GSG1L: variants seen among roughly 807,000 people sequenced by gnomAD.
GSG1L encodes germ cell-specific gene 1-like protein.
Under a neutral mutation model 42.1 loss-of-function variants are expected in GSG1L, and 24 were observed. The observed-to-expected ratio is 0.57, with a 90% CI of 0.41 to 0.80. The LOEUF is 0.80. Among genes scored for constraint, GSG1L ranks in the 30% least tolerant of loss-of-function variants. GSG1L has a pLI of 0.00. For synonymous variants in GSG1L, 215 were observed against 203.5 expected (o/e 1.06, Z -0.48); for missense variants, 445 against 472.2 (o/e 0.94, Z 0.53).
intron 1 of GSG1L, among the ~76,000 whole-genome samples, chr16:28,022,608 A>C (rs1478274762): frequency 6.6e-6 from 1 of 151,314 alleles, no homozygotes; most frequent in African/African-American, 2.4e-5. Flanking sequence ...CCAAGCTGGG[A>C]ATACAGGCGT....
chr16:27,950,282 C>T (rs2084936847), intron 2 of GSG1L, among the ~76,000 whole-genome samples: 1 of 152,164 alleles, frequency 6.6e-6, no homozygotes. Context: ...AACATGAAGG[C>T]TGGTCACCGT....
chr16:27,916,805 A>C (rs2084461753), intron 2 of GSG1L, among the ~76,000 whole-genome samples: 1 of 152,194 alleles, frequency 6.6e-6, no homozygotes, highest in Admixed American at 6.5e-5. Flanking sequence ...TGCTTAGGAC[A>C]CGATGTGATA....
At chr16:27,896,333 G>A (rs1223527110) in intron 2 of GSG1L, among the ~76,000 whole-genome samples, 1 of 152,152 alleles carries the variant, frequency 6.6e-6, no homozygotes, top group Non-Finnish European at 1.5e-5. Flanking sequence ...GGCTCTCAAA[G>A]GTGTCCCCTT....
In GSG1L at chr16:27,807,717, G is replaced by C. The variant is rs141580635; in HGVS notation, c.831-163C>G. 3.3e-5 allele frequency among the ~76,000 whole-genome samples: 5 copies of C among 152,288 alleles called. No individual in the cohort carries two copies. In the East Asian group the frequency reaches 9.6e-4, roughly 29 times the overall value. On this transcript the variant is annotated intron_variant, in intron 5 of 6. Transcript: ENST00000447459. ...TGGGGGATTTTGACCACAACCTTGT[G>C]AGATGGGCATCATTATTCCCATTCT... is the stretch of plus-strand genomic sequence containing the variant.
chr16:28,057,171 T>C (rs535830941), intron 1 of GSG1L, among the ~76,000 whole-genome samples: 7 of 151,716 alleles, frequency 4.6e-5, no homozygotes, highest in Non-Finnish European at 1.0e-4. Flanking sequence ...TGTGACTGAG[T>C]GAGGAAGGGT....
chr16:27,814,680 G>A (rs74013532), intron 5 of GSG1L, among the ~76,000 whole-genome samples: 4,128 of 134,910 alleles, frequency 0.031, 147 homozygotes, highest in Admixed American at 0.083. Context: ...GGGAGAACCC[G>A]TCTCAAGGAA....
chr16:27,994,297 TG>T (rs201154041), intron 1 of GSG1L, among the ~76,000 whole-genome samples: 2 of 151,542 alleles, frequency 1.3e-5, no homozygotes, highest in African/African-American at 2.4e-5. Context: ...TCAGGTCCCT[TG>T]GGGGGGTTCA....
intron 1 of GSG1L, among the ~76,000 whole-genome samples, chr16:27,968,861 C>A (rs555366236): frequency 6.6e-6 from 1 of 152,286 alleles, no homozygotes; most frequent in Admixed American, 6.5e-5. Context: ...GTAATCCCAA[C>A]ATTTTGGGAG....
chr16:28,018,817 A>G (rs935395613), intron 1 of GSG1L, among the ~76,000 whole-genome samples: 2 of 152,028 alleles, frequency 1.3e-5, no homozygotes, highest in African/African-American at 4.8e-5. Flanking sequence ...GTGCTGAGAC[A>G]TGTCTGTTTT....
intron 1 of GSG1L, among the ~76,000 whole-genome samples, chr16:27,975,376 C>T (rs374132342): frequency 2.0e-5 from 3 of 152,176 alleles, no homozygotes; most frequent in South Asian, 2.1e-4. Context: ...GCTGGCACAC[C>T]GCCCTACTTA....
chr16:27,941,798 G>A lies in GSG1L; in HGVS notation c.397+21358C>T, dbSNP rs79654041. Among the ~76,000 whole-genome samples, 954 of 152,226 alleles carry A rather than the reference G, an allele frequency of 6.3e-3. 4 individuals are homozygous for A. Among genetic ancestry groups the A allele is most frequent in the Non-Finnish European group, 0.011 (741 of 68,010 alleles). ...TTAGGAAGAAATGGAATTCTCACAC[G>A]TGCTGCACCAGAAATGAACCTTGAA... On this transcript the variant is annotated intron_variant, in intron 2 of 6. Transcript: ENST00000447459.
chr16:27,994,314 G>A (rs1177503991), intron 1 of GSG1L, among the ~76,000 whole-genome samples: 1 of 152,002 alleles, frequency 6.6e-6, no homozygotes, highest in Non-Finnish European at 1.5e-5. Flanking sequence ...GTTCAGAATG[G>A]TGGGGGGATG....
chr16:27,797,704 C>G (rs2082834338), intron 6 of GSG1L, among the ~76,000 whole-genome samples: 1 of 141,996 alleles, frequency 7.0e-6, no homozygotes. Flanking sequence ...CACCTGTAGT[C>G]CCAGCTACTC....
chr16:27,937,141 G>C (rs868268976), intron 2 of GSG1L, among the ~76,000 whole-genome samples: 1 of 152,174 alleles, frequency 6.6e-6, no homozygotes, highest in Non-Finnish European at 1.5e-5. Flanking sequence ...GGCTCTCAAG[G>C]CTCCAGCCAG....
chr16:27,822,537 C>G (rs1316036860), intron 5 of GSG1L, among the ~76,000 whole-genome samples: 2 of 152,294 alleles, frequency 1.3e-5, no homozygotes, highest in Non-Finnish European at 2.9e-5. Context: ...CCACCTCAGC[C>G]TCCCTGAGTA....
intron 2 of GSG1L, among the ~76,000 whole-genome samples, chr16:27,900,836 CAG>C (rs2084248327): frequency 7.2e-6 from 1 of 138,978 alleles, no homozygotes; most frequent in Non-Finnish European, 1.6e-5. Flanking sequence ...AAAAAAAAAA[CAG>C]ATACATAGGC....
chr16:28,007,746 G>C (rs1159470357), intron 1 of GSG1L, among the ~76,000 whole-genome samples: 1 of 151,976 alleles, frequency 6.6e-6, no homozygotes, highest in South Asian at 2.1e-4. Flanking sequence ...AAACTCCTGG[G>C]CTCAAGTGAT....
intron 6 of GSG1L, among the ~76,000 whole-genome samples, chr16:27,800,612 A>G (rs945996467): frequency 6.6e-6 from 1 of 152,182 alleles, no homozygotes; most frequent in Non-Finnish European, 1.5e-5. Flanking sequence ...TTCAAAAGCA[A>G]CTTCCTCAGG....
At chr16:28,044,917 G>A (rs540530755) in intron 1 of GSG1L, among the ~76,000 whole-genome samples, 2 of 152,046 alleles carry the variant, frequency 1.3e-5, no homozygotes. Flanking sequence ...GAGCTACCGC[G>A]TCCGGCCATG....
Sources: allele counts gnomAD v4.1 joint callset (sites outside exome capture counted in the v4.1 genomes callset), GRCh38; gene constraint gnomAD v4.1.1; transcripts MANE v1.5; gene names NCBI Gene and HGNC (gene_info 2026-07-23, HGNC 2026-07-21).